The following FLG variants were observed in gnomAD, a reference collection of about 807,000 sequenced individuals.
FLG encodes filaggrin.
Under a neutral mutation model 3.8 loss-of-function variants are expected in FLG, and 6 were observed. The observed-to-expected ratio is 1.60, with a 90% confidence interval of 0.87 to 3.15. The LOEUF is 3.15. Ranked by LOEUF, FLG falls within the 30% of genes most tolerant of loss-of-function variation. The pLI is 0.00. For missense variants in FLG, 7,595 were observed against 5,050.9 expected (o/e 1.50, Z -15.27); for synonymous variants, 2,551 against 1,931.6 (o/e 1.32, Z -8.41).
rs750513386 is a variant in FLG at position 152,302,324 on chromosome 1, G to C, written c.*376C>G. The C allele has an allele frequency of 3.2e-4, 86 of 269,172 alleles. 1 individual carries two copies. In the Middle Eastern group the frequency reaches 8.0e-3, roughly 25 times the overall value. 16.7% of individuals were successfully genotyped at this position (269,172 alleles called of 1,614,324 possible). Reference sequence around the variant, plus strand: ...GTTGATATAGCCACTTTGGTATACAGAACTGTTTTATATTTTTGGCTCCTT... The same window carrying C: ...GTTGATATAGCCACTTTGGTATACACAACTGTTTTATATTTTTGGCTCCTT... On this transcript the variant is annotated 3_prime_UTR_variant, in exon 3 of 3. Transcript: ENST00000368799.
chr1:152,323,238 G>T (rs1457889533), intron 1 of FLG, among the ~76,000 whole-genome samples: 3 of 151,612 alleles, frequency 2.0e-5, no homozygotes, highest in African/African-American at 7.3e-5. Flanking sequence ...GGACCTCGGG[G>T]TGGGGAAATA....
Position 152,311,034 on chromosome 1 carries a change from C to T in FLG, c.3852G>A (p.Glu1284=). The change falls in exon 3 of 3, where the codon GAG becomes GAA. Residue 1284 remains glutamate, a synonymous_variant. Coordinates refer to ENST00000368799, the MANE Select transcript of FLG (RefSeq NM_002016.2). ...TTCTGGAAGCAGACCCAGACAACCTCTCGGAGTCGTCTGAGTGTCTCTCAC... is the reference window on the plus strand; with the variant it reads ...TTCTGGAAGCAGACCCAGACAACCTTTCGGAGTCGTCTGAGTGTCTCTCAC... ...SDSERHSDDS[E]RLSGSASRNH... is the part of the protein sequence containing the mutation. The T allele has an allele frequency of 6.2e-7, 1 of 1,613,972 alleles. No homozygotes were observed.
chr1:152,310,102 C>G lies in FLG; in HGVS notation c.4784G>C (p.Ser1595Thr), dbSNP rs757400929. The G allele has an allele frequency of 1.2e-5, 19 of 1,613,904 alleles. 1 individual carries two copies. Among genetic ancestry groups the G allele is most frequent in the African/African-American group, 5.3e-5 (4 of 74,872 alleles). The change falls in exon 3 of 3, where the codon AGT becomes ACT. Residue 1595 changes from serine to threonine, a missense_variant. By Grantham distance (58) the Ser-to-Thr change is moderately conservative (BLOSUM62 1). Coordinates refer to ENST00000368799, the MANE Select transcript of FLG (RefSeq NM_002016.2). The stretch of plus-strand genomic sequence containing the variant: ...GTGTCCCTCACTGTCCCTGTCCTGA[C>G]TAACACTGGATCCCTGGCGCCTGCT... ...KTSRRQGSSV[S>T]QDRDSEGHSE...
Position 152,303,608 on chromosome 1 carries a change from C to T in FLG, c.11278G>A (p.Gly3760Arg), listed in dbSNP as rs1401998194. The T allele has an allele frequency of 6.2e-7, 1 of 1,613,994 alleles. No individual in the cohort carries two copies. The highest frequency in any genetic ancestry group is 1.1e-5 in the South Asian group (1 of 91,074). ...ASQEGQDTIRGHPGSRRGGRQ... is the reference protein window; with the variant it reads ...ASQEGQDTIRRHPGSRRGGRQ... ...CCTCCTCTCCTTGACCCCGGGTGTCCACGAATGGTGTCCTGACCCTCTTGG... is the reference window on the plus strand; with the variant it reads ...CCTCCTCTCCTTGACCCCGGGTGTCTACGAATGGTGTCCTGACCCTCTTGG... Residue 3760 changes from glycine (G) to arginine (R), a missense_variant, in exon 3 of 3, where the codon GGA (glycine) becomes AGA (arginine). Physicochemically the swap from Gly to Arg is moderately radical, Grantham distance 125. Coordinates refer to ENST00000368799, the MANE Select transcript of FLG (RefSeq NM_002016.2).
rs749835557 is a variant in FLG at position 152,310,685 on chromosome 1, G to A, written c.4201C>T (p.His1401Tyr). The A allele has an allele frequency of 3.7e-6, 6 of 1,614,070 alleles. No individual in the cohort carries two copies. In the South Asian group the frequency reaches 4.4e-5, roughly 12 times the overall value. ...SGSQVTNSEG[H>Y]SEDSDTQSVS... The stretch of plus-strand genomic sequence containing the variant: ...GACTGTGTGTCTGAGTCTTCTGAAT[G>A]TCCCTCACTGTTAGTGACCTGACTA... Residue 1401 changes from histidine (H) to tyrosine (Y), a missense_variant, in exon 3 of 3, where the codon CAT becomes TAT. Physicochemically the swap from His to Tyr is moderately conservative, Grantham distance 83 (BLOSUM62 2). Transcript: ENST00000368799.
Position 152,303,802 on chromosome 1 carries a change from G to T in FLG, c.11084C>A (p.Ser3695Tyr). 3 of 1,613,676 alleles carry T rather than the reference G, an allele frequency of 1.9e-6. No homozygotes were observed. The highest frequency in any genetic ancestry group is 2.5e-6 in the Non-Finnish European group (3 of 1,179,856). Residue 3695 changes from serine (S) to tyrosine (Y), a missense_variant, in exon 3 of 3, where the codon TCC becomes TAC. Transcript: ENST00000368799. ...AGPHQQSHQE[S>Y]TRGRSAGRSG... ...CCTTCCTGCTGACCGGCCACGTGTG[G>T]ACTCTTGGTGGCTCTGCTGATGGGG...
At chr1:152,322,499 G>T (rs1405716290) in intron 1 of FLG, among the ~76,000 whole-genome samples, 5 of 150,760 alleles carry the variant, frequency 3.3e-5, no homozygotes, top group Admixed American at 3.3e-4. Context: ...AAGAAAAGAT[G>T]CTATTTACAA....
rs764682067 is a variant in FLG at position 152,311,510 on chromosome 1, G to C, written c.3376C>G (p.Gln1126Glu). 5.0e-6 allele frequency: 8 copies of C among 1,613,898 alleles called. No homozygotes were observed. The highest frequency in any genetic ancestry group is 6.8e-6 in the Non-Finnish European group (8 of 1,179,968). Residue 1126 changes from glutamine to glutamate, a missense_variant, in exon 3 of 3, where the codon CAG (glutamine) becomes GAG (glutamate). Gln to Glu is a conservative substitution (Grantham distance 29). Transcript: ENST00000368799. The part of the protein sequence containing the change: ...SFIYQVSTHE[Q>E]SESAHGRTRT... ...GTCCGCCCATGGGCAGACTCAGACTGTTCATGAGTGCTCACCTGGTAGATG... is the reference window on the plus strand; with the variant it reads ...GTCCGCCCATGGGCAGACTCAGACTCTTCATGAGTGCTCACCTGGTAGATG...
In FLG at chr1:152,315,359, A is replaced by C; in HGVS notation, c.98T>G (p.Leu33Arg). 1.2e-6 allele frequency: 2 copies of C among 1,613,420 alleles called. No individual in the cohort carries two copies. Among genetic ancestry groups the C allele is most frequent in the Non-Finnish European group, 8.5e-7 (1 of 1,179,564 alleles). ...AAATTCCTTTTCCAGAAGTTCCTTC[A>C]GCTCTTTTTTACTCAATGTGTCAGT... ...KNTDTLSKKELKELLEKEFRQ... is the reference protein window; with the variant it reads ...KNTDTLSKKERKELLEKEFRQ... Residue 33 changes from leucine (L) to arginine (R), a missense_variant, in exon 2 of 3, where the codon CTG becomes CGG. Physicochemically the swap from Leu to Arg is moderately radical, Grantham distance 102 (BLOSUM62 -2). Transcript: ENST00000368799.
chr1:152,312,076 C>G lies in FLG; in HGVS notation c.2810G>C (p.Arg937Thr). The part of the protein sequence containing the change: ...QAGQGQSEGS[R>T]TSRRQGSSVS... ...ACTGGATCCCTGGCGCCTGCTTGTC[C>G]TGGACCCCTCTGATTGTCCCTGGCC... The change falls in exon 3 of 3, where the codon AGG (arginine) becomes ACG (threonine). Residue 937 changes from arginine to threonine, a missense_variant. Coordinates refer to ENST00000368799, the MANE Select transcript of FLG (RefSeq NM_002016.2). 1 of 1,614,144 alleles carries G rather than the reference C, an allele frequency of 6.2e-7. No homozygotes were observed.
rs9436065 is a variant in FLG, at chr1:152,303,998, G to A, written c.10888C>T (p.His3630Tyr). 24,560 of 1,612,676 alleles carry A rather than the reference G, an allele frequency of 0.015. 243 individuals are homozygous for A. In the African/African-American group the frequency reaches 0.28, roughly 19 times the overall value. Residue 3630 changes from histidine to tyrosine, a missense_variant, in exon 3 of 3, where the codon CAC becomes TAC. His to Tyr is a moderately conservative substitution (Grantham distance 83, BLOSUM62 2). Coordinates refer to ENST00000368799, the MANE Select transcript of FLG (RefSeq NM_002016.2). Reference sequence around the variant, plus strand: ...CTGGAGCTGTCTGCTGACTGCTGGTGGTGGGATCCATGTCTCTCTCCTGCA... The same window carrying A: ...CTGGAGCTGTCTGCTGACTGCTGGTAGTGGGATCCATGTCTCTCTCCTGCA... ...SSAGERHGSH[H>Y]QQSADSSRHS...
At position 152,308,140 on chromosome 1, in the gene FLG, C is replaced by G; in HGVS notation, c.6746G>C (p.Ser2249Thr). Reference sequence around the variant, plus strand: ...CTCAGAATCTTCTGAGTGTCCCTCACTGTCACTGTCCTGGCTAACACTGGA... The same window carrying G: ...CTCAGAATCTTCTGAGTGTCCCTCAGTGTCACTGTCCTGGCTAACACTGGA... ...RGSSVSQDSDSEGHSEDSERR... is the reference protein window; with the variant it reads ...RGSSVSQDSDTEGHSEDSERR... Residue 2249 changes from serine (S) to threonine (T), a missense_variant, in exon 3 of 3, where the codon AGT (serine) becomes ACT (threonine). Coordinates refer to ENST00000368799, the MANE Select transcript of FLG (RefSeq NM_002016.2). 6.2e-7 allele frequency: 1 copy of G among 1,614,088 alleles called. No homozygotes were observed. Among genetic ancestry groups the G allele is most frequent in the Non-Finnish European group, 8.5e-7 (1 of 1,180,022 alleles).
In FLG at chr1:152,313,600, G is replaced by C; in HGVS notation, c.1286C>G (p.Ser429Ter). 2 of 1,613,998 alleles carry C rather than the reference G, an allele frequency of 1.2e-6. No individual in the cohort carries two copies. Among genetic ancestry groups the C allele is most frequent in the Non-Finnish European group, 1.7e-6 (2 of 1,180,010 alleles). Residue 429 changes from serine (S) to a stop codon, truncating the protein, a stop_gained, in exon 3 of 3, where the codon TCA becomes TGA. Transcript: ENST00000368799. LOFTEE classifies it low-confidence loss of function (END_TRUNC). ...CACTGATTGTGTGTCTGAGTTTTCT[G>C]AATGTCCCTCACTGTCACTGGCCTG... ...GSQASDSEGH[S>*]ENSDTQSVSG...
Position 152,315,385 on chromosome 1 carries a change from G to A in FLG, c.72C>T (p.Asn24=). 2 of 1,612,150 alleles carry A rather than the reference G, an allele frequency of 1.2e-6. No individual in the cohort carries two copies. Among genetic ancestry groups the A allele is most frequent in the East Asian group, 2.2e-5 (1 of 44,748 alleles). The change falls in exon 2 of 3, where the codon AAC becomes AAT. Residue 24 remains asparagine (N), a synonymous_variant. Coordinates refer to ENST00000368799, the MANE Select transcript of FLG (RefSeq NM_002016.2). The part of the protein sequence containing the change: ...LFKQYSKKDK[N]TDTLSKKELK... The stretch of plus-strand genomic sequence containing the variant: ...GCTCTTTTTTACTCAATGTGTCAGT[G>A]TTTTTATCTTTTTTTGAATATTGCT...
chr1:152,307,451 C>A lies in FLG; in HGVS notation c.7435G>T (p.Glu2479Ter), dbSNP rs759626354. The change falls in exon 3 of 3, where the codon GAG (glutamate) becomes TAG (stop). Residue 2479 changes from glutamate (E) to a stop codon, truncating the protein, a stop_gained. Transcript: ENST00000368799. LOFTEE classifies it low-confidence loss of function (END_TRUNC). ...SSGGRQGSHY[E>*]QLVDRSGHSG... is the part of the protein sequence containing the mutation. ...TGTCCAGATCTATCTACCAATTGCTCGTAGTGGGATCCCTGCCTTCCTCCA... is the reference window on the plus strand; with the variant it reads ...TGTCCAGATCTATCTACCAATTGCTAGTAGTGGGATCCCTGCCTTCCTCCA... The A allele has an allele frequency of 1.2e-6, 2 of 1,613,148 alleles. No homozygotes were observed. The highest frequency in any genetic ancestry group is 1.7e-6 in the Non-Finnish European group (2 of 1,179,728).
chr1:152,304,666 G>C lies in FLG; in HGVS notation c.10220C>G (p.Thr3407Ser), dbSNP rs369395358. ...GTGGTGGGATCCTTGTCTTCGTCCA[G>C]TGCTGGTCCTGGTCCGCCCATGGGC... ...ESAHGRTRTS[T>S]GRRQGSHHEQ... is the part of the protein sequence containing the mutation. The change falls in exon 3 of 3, where the codon ACT (threonine) becomes AGT (serine). Residue 3407 changes from threonine to serine, a missense_variant. By Grantham distance (58) the Thr-to-Ser change is moderately conservative. Transcript: ENST00000368799. The C allele has an allele frequency of 2.5e-6, 4 of 1,611,880 alleles. 1 individual carries two copies. Among genetic ancestry groups the C allele is most frequent in the African/African-American group, 2.7e-5 (2 of 74,690 alleles).
At position 152,308,882 on chromosome 1, in the gene FLG, C is replaced by T. The variant is rs752282644; in HGVS notation, c.6004G>A (p.Gly2002Arg). Residue 2002 changes from glycine (G) to arginine (R), a missense_variant, in exon 3 of 3, where the codon GGA (glycine) becomes AGA (arginine). Gly to Arg is a moderately radical substitution (Grantham distance 125). Coordinates refer to ENST00000368799, the MANE Select transcript of FLG (RefSeq NM_002016.2). ...TGGTGGTGGGATCCATGTCTTTCTC[C>T]TGCACTTGATCTTGCCTGTTCATGG... is the stretch of plus-strand genomic sequence containing the variant. ...SSHEQARSSA[G>R]ERHGSHHQLQ... 8 of 1,614,068 alleles carry T rather than the reference C, an allele frequency of 5.0e-6. No individual in the cohort carries two copies. The highest frequency in any genetic ancestry group is 2.2e-5 in the South Asian group (2 of 91,088).
chr1:152,318,897 C>T (rs190996354), intron 1 of FLG, among the ~76,000 whole-genome samples: 1 of 151,758 alleles, frequency 6.6e-6, no homozygotes, highest in African/African-American at 2.4e-5. Flanking sequence ...TGCTATTATA[C>T]AGAATATTTG....
rs1463001852 is a variant in FLG at position 152,305,285 on chromosome 1, G to A, written c.9601C>T (p.Gln3201Ter). The change falls in exon 3 of 3, where the codon CAA becomes TAA. Residue 3201 changes from glutamine (Q) to a stop codon, truncating the protein, a stop_gained. Coordinates refer to ENST00000368799, the MANE Select transcript of FLG (RefSeq NM_002016.2). LOFTEE classifies it low-confidence loss of function (END_TRUNC). ...CTGCTTCTCCTGGACCCCTCTGATT[G>A]TCCCTGGACTGCCTGTGAGTGTCTA... ...ISRHSQAVQG[Q>*]SEGSRRSRRQ... 6.2e-7 allele frequency: 1 copy of A among 1,611,948 alleles called. No individual in the cohort carries two copies. Among genetic ancestry groups the A allele is most frequent in the African/African-American group, 1.3e-5 (1 of 74,202 alleles).
Sources: gnomAD v4.1 joint callset for allele counts (sites outside exome capture counted in the v4.1 genomes callset) on GRCh38, gnomAD v4.1.1 for gene constraint, MANE v1.5 for transcripts, NCBI Gene and HGNC (gene_info 2026-07-23, HGNC 2026-07-21) for gene names.